The following CFAP97D2 variants were observed in gnomAD, a reference collection of about 807,000 sequenced individuals.
CFAP97D2 encodes CFAP97 domain containing 2.
Position 114,179,773 on chromosome 13 carries a change from TTTTC to T in CFAP97D2, c.90+361_90+364del, listed in dbSNP as rs938343978. ...AAAAACACCAGAAGCATCCTTTTCT[TTTTC>T]TTTCTTTTTGTTTTTTGTTTTTGTT... On this transcript the variant is annotated intron_variant, in intron 1 of 4. Transcript: ENST00000646158. This position sits in a 1 kb window ranked among gnomAD's most constrained non-coding sequence, Gnocchi z 4.8. Among the ~76,000 whole-genome samples, 9 of 152,300 alleles carry T rather than the reference TTTTC, an allele frequency of 5.9e-5. No individual in the cohort carries two copies. The highest frequency in any genetic ancestry group is 1.9e-4 in the East Asian group (1 of 5,184).
chr13:114,207,191 C>T lies in CFAP97D2; in HGVS notation c.291-4721C>T, dbSNP rs2080944609. ...GCTGCAAGGGCAGCACCATGCAGGG[C>T]ACACAGAAAGTCCTCAGGGCTCGCA... On this transcript the variant is annotated intron_variant, in intron 3 of 4. Transcript: ENST00000646158. This position sits in a 1 kb window ranked among gnomAD's most constrained non-coding sequence, Gnocchi z 4.9. Among the ~76,000 whole-genome samples the T allele has an allele frequency of 6.6e-6, 1 of 152,226 alleles. No individual in the cohort carries two copies. The highest frequency in any genetic ancestry group is 1.5e-5 in the Non-Finnish European group (1 of 68,042).
rs1244229324 is a variant in CFAP97D2, at chr13:114,187,064, TA to T, written c.90+7645del. Among the ~76,000 whole-genome samples the T allele has an allele frequency of 6.6e-6, 1 of 152,240 alleles. No individual in the cohort carries two copies. Among genetic ancestry groups the T allele is most frequent in the East Asian group, 1.9e-4 (1 of 5,204 alleles). ...GAGAGGTATTCAGATTATTTTGTAATATAAGTTACTCACACTACCTGTTAAG... is the reference window on the plus strand; with the variant it reads ...GAGAGGTATTCAGATTATTTTGTAATTAAGTTACTCACACTACCTGTTAAG... On this transcript the variant is annotated intron_variant, in intron 1 of 4. Coordinates refer to ENST00000646158, the Ensembl canonical transcript of CFAP97D2. The surrounding 1 kb of genome is among the most constrained non-coding windows in gnomAD (Gnocchi z 4.2).
intron 1 of CFAP97D2, among the ~76,000 whole-genome samples, chr13:114,181,757 A>T (rs1242951988): frequency 6.6e-6 from 1 of 152,172 alleles, no homozygotes; most frequent in Non-Finnish European, 1.5e-5. Context: ...GAGAAAAAAG[A>T]CCTGTGGGAG....
chr13:114,200,691 G>T (rs1196821523), intron 3 of CFAP97D2, among the ~76,000 whole-genome samples: 2 of 152,208 alleles, frequency 1.3e-5, no homozygotes, highest in African/African-American at 4.8e-5. Context: ...TGAGCTGCCC[G>T]TGTGCCAGAC....
intron 1 of CFAP97D2, among the ~76,000 whole-genome samples, chr13:114,193,483 T>C (rs1354054709): frequency 6.6e-6 from 1 of 152,108 alleles, no homozygotes; most frequent in Non-Finnish European, 1.5e-5. Context: ...TGCTGTGTCC[T>C]CATATGGCAG....
At chr13:114,197,665 A>T (rs558938799) in intron 2 of CFAP97D2, among the ~76,000 whole-genome samples, 17 of 145,756 alleles carry the variant, frequency 1.2e-4, no homozygotes, top group African/African-American at 4.8e-4. Context: ...TTTCTTAACC[A>T]CCTCAGAATG....
chr13:114,209,550 G>T (rs112004300), intron 3 of CFAP97D2, among the ~76,000 whole-genome samples: 9,927 of 152,134 alleles, frequency 0.065, 550 homozygotes, highest in African/African-American at 0.13. Flanking sequence ...ATGTCACATG[G>T]AGAGGAAGGT....
intron 1 of CFAP97D2, among the ~76,000 whole-genome samples, chr13:114,180,323 G>A (rs942913292): frequency 1.3e-5 from 2 of 152,168 alleles, no homozygotes; most frequent in Non-Finnish European, 2.9e-5. Context: ...GGTTGCAAGT[G>A]ACATTGTGTG....
At chr13:114,217,887 G>A (rs1463564981) in intron 4 of CFAP97D2, among the ~76,000 whole-genome samples, 1 of 152,112 alleles carries the variant, frequency 6.6e-6, no homozygotes. Flanking sequence ...AAAATAATAA[G>A]AGCTATTTAT....
Position 114,189,324 on chromosome 13 carries a change from C to T in CFAP97D2, c.91-7072C>T, listed in dbSNP as rs945997070. Among the ~76,000 whole-genome samples the T allele has an allele frequency of 2.0e-5, 3 of 152,132 alleles. No homozygotes were observed. The highest frequency in any genetic ancestry group is 4.4e-5 in the Non-Finnish European group (3 of 68,028). ...CAATCTGAATAGACCCATATCTATT[C>T]AAGAAATTGAATCAATAATTAAACT... On this transcript the variant is annotated intron_variant, in intron 1 of 4. Transcript: ENST00000646158. This position sits in a 1 kb window ranked among gnomAD's most constrained non-coding sequence, Gnocchi z 4.5.
intron 1 of CFAP97D2, among the ~76,000 whole-genome samples, chr13:114,192,356 C>T (rs935599459): frequency 3.9e-5 from 6 of 152,108 alleles, no homozygotes; most frequent in Non-Finnish European, 7.4e-5. Flanking sequence ...ATATCTGTAC[C>T]TTTCTCTCAA....
intron 1 of CFAP97D2, among the ~76,000 whole-genome samples, chr13:114,188,997 C>A (rs945316882): frequency 2.0e-5 from 3 of 149,074 alleles, no homozygotes; most frequent in African/African-American, 7.4e-5. Flanking sequence ...AAGGAGGAGG[C>A]AAATTACTAA....
At chr13:114,196,571 A>C (rs745380767) in intron 2 of CFAP97D2, 95 bp downstream of exon 2, 9 of 397,356 alleles carry the variant, frequency 2.3e-5, no homozygotes, top group Non-Finnish European at 3.5e-5. Flanking sequence ...GTTAGTAAGG[A>C]ATAAACTCAC....
At position 114,186,240 on chromosome 13, in the gene CFAP97D2, G is replaced by T; in HGVS notation, c.90+6820G>T. On this transcript the variant is annotated intron_variant, in intron 1 of 4. Transcript: ENST00000646158. This position sits in a 1 kb window ranked among gnomAD's most constrained non-coding sequence, Gnocchi z 4.3. ...CTGCACACCCCAAGGTCTCCTCTCT[G>T]CTGAGAGCTGAGACGTCAGGACAAC... Among the ~76,000 whole-genome samples, 1 of 152,126 alleles carries T rather than the reference G, an allele frequency of 6.6e-6. No homozygotes were observed. The highest frequency in any genetic ancestry group is 1.5e-5 in the Non-Finnish European group (1 of 68,004).
At chr13:114,198,275 C>T (rs2080896141) in intron 2 of CFAP97D2, among the ~76,000 whole-genome samples, 1 of 152,178 alleles carries the variant, frequency 6.6e-6, no homozygotes, top group African/African-American at 2.4e-5. Context: ...CGAAGTAATG[C>T]CTCCAGGACA....
chr13:114,208,037 C>T (rs1566615560), intron 3 of CFAP97D2, among the ~76,000 whole-genome samples: 1 of 152,176 alleles, frequency 6.6e-6, no homozygotes. Flanking sequence ...GAGCCAGGCT[C>T]TTGGTGGGAC....
intron 4 of CFAP97D2, among the ~76,000 whole-genome samples, chr13:114,213,496 C>T (rs2080978433): frequency 6.7e-6 from 1 of 149,946 alleles, no homozygotes; most frequent in African/African-American, 2.5e-5. Context: ...CAGACCCCAC[C>T]CCTGGACAAG....
intron 1 of CFAP97D2, among the ~76,000 whole-genome samples, chr13:114,184,920 A>G (rs1046865203): frequency 5.3e-5 from 8 of 152,360 alleles, no homozygotes; most frequent in African/African-American, 1.9e-4. Flanking sequence ...ACTTATGTGC[A>G]TATCTCTATC....
At chr13:114,208,431 C>T (rs1207461925) in intron 3 of CFAP97D2, among the ~76,000 whole-genome samples, 2 of 152,094 alleles carry the variant, frequency 1.3e-5, no homozygotes, top group Non-Finnish European at 2.9e-5. Context: ...TATTGAAGCA[C>T]GTTATCAAAA....
Sources: allele counts gnomAD v4.1 joint callset (sites outside exome capture counted in the v4.1 genomes callset), GRCh38; gene constraint gnomAD v4.1.1; non-coding constraint Gnocchi (gnomAD v3.1); transcripts MANE v1.5; gene names NCBI Gene and HGNC (gene_info 2026-07-23, HGNC 2026-07-21).